The following ABCC6 variants were observed in gnomAD, a reference collection of about 807,000 sequenced individuals.
ABCC6 encodes ATP binding cassette subfamily C member 6, also known as ATP-binding cassette sub-family C member 6.
A neutral mutation model predicts 169.5 loss-of-function variants in ABCC6; 126 were observed. The observed-to-expected ratio is 0.74, with a 90% confidence interval of 0.64 to 0.86. ABCC6 has a LOEUF of 0.86. Ranked by LOEUF, ABCC6 falls within the 40% of genes least tolerant of loss-of-function variation. The pLI, the probability that ABCC6 is intolerant of heterozygous loss-of-function variation, is 0.00. For missense variants in ABCC6, 1,733 were observed against 1,927.2 expected (o/e 0.90, Z 1.89); for synonymous variants, 752 against 814.7 (o/e 0.92, Z 1.31).
intron 10 of ABCC6, among the ~76,000 whole-genome samples, chr16:16,196,690 A>G (rs760852521): frequency 2.0e-5 from 3 of 151,994 alleles, no homozygotes; most frequent in Non-Finnish European, 4.4e-5. Context: ...TACAGAGTCT[A>G]ATTTTATTTT....
At chr16:16,219,059 CA>C (rs545447445) in intron 4 of ABCC6, among the ~76,000 whole-genome samples, 630 of 10,368 alleles carry the variant, frequency 0.061, 1 homozygote, top group African/African-American at 0.15. Context: ...GCAAGCCTCT[CA>C]AAAAAAAAAA....
Position 16,163,158 on chromosome 16 carries a change from C to G in ABCC6, c.3341G>C (p.Arg1114Pro), listed in dbSNP as rs63750427. The G allele has an allele frequency of 1.4e-5, 22 of 1,613,630 alleles. No individual in the cohort carries two copies. The highest frequency in any genetic ancestry group is 1.9e-5 in the Non-Finnish European group (22 of 1,180,030). ...AGACGAGTAGCTGGCTGACTCCAAGCGTCTCAGCTGGCATGAGCTAACCAC... is the reference window on the plus strand; with the variant it reads ...AGACGAGTAGCTGGCTGACTCCAAGGGTCTCAGCTGGCATGAGCTAACCAC... ...LYVVSSCQLR[R>P]LESASYSSVC... Residue 1114 changes from arginine (R) to proline (P), a missense_variant, in exon 24 of 31, where the codon CGC (arginine) becomes CCC (proline). By Grantham distance (103) the Arg-to-Pro change is moderately radical (BLOSUM62 -2). This residue lies in a region of ABCC6 where 1,601 missense variants were observed against 1,635.5 expected (regional missense o/e 0.98). Coordinates refer to ENST00000205557, the MANE Select transcript of ABCC6 (RefSeq NM_001171.6).
chr16:16,150,522 T>G (rs1308181127), intron 30 of ABCC6, 56 bp downstream of exon 30: 26 of 1,582,356 alleles, frequency 1.6e-5, no homozygotes, highest in Non-Finnish European at 2.2e-5. Context: ...TGCCTCCGCC[T>G]CCTTCCCCCA....
chr16:16,178,458 C>T (rs539027783), intron 18 of ABCC6, among the ~76,000 whole-genome samples: 1 of 152,212 alleles, frequency 6.6e-6, no homozygotes, highest in African/African-American at 2.4e-5. Flanking sequence ...TGCCGCCTTT[C>T]TTGTAAACAG....
intron 7 of ABCC6, 50 bp from the exon 8 acceptor site, chr16:16,203,663 C>G (rs374913195): frequency 6.2e-7 from 1 of 1,607,656 alleles, no homozygotes; most frequent in Non-Finnish European, 8.5e-7. Context: ...TACTCTCAGC[C>G]GCCAGCGGCA....
chr16:16,182,940 C>G lies in ABCC6; in HGVS notation c.1944-10G>C, dbSNP rs775808219. On this transcript the variant is annotated splice_polypyrimidine_tract_variant and intron_variant, in intron 15 of 30. Transcript: ENST00000205557. ...CACCGTGAGGTTTATTCTGGACACG[C>G]AAGAGGGGAGACATGACCTTGGTTA... 6.8e-6 allele frequency: 11 copies of G among 1,613,970 alleles called. No homozygotes were observed. In the East Asian group the frequency reaches 1.3e-4, roughly 20 times the overall value.
At chr16:16,200,421 C>G (rs1230977739) in intron 9 of ABCC6, among the ~76,000 whole-genome samples, 1 of 135,478 alleles carries the variant, frequency 7.4e-6, no homozygotes, top group African/African-American at 2.8e-5. Flanking sequence ...AAGAGCGAAA[C>G]TCTGTCAGAA....
intron 8 of ABCC6, 65 bp from the exon 9 acceptor site, chr16:16,202,243 C>T (rs2048264564): frequency 6.5e-7 from 1 of 1,543,406 alleles, no homozygotes; most frequent in Non-Finnish European, 8.8e-7. Flanking sequence ...GTTGCCTTTG[C>T]CCAAACCAGT....
chr16:16,170,131 G>A (rs1375066158), intron 21 of ABCC6, among the ~76,000 whole-genome samples: 7 of 147,834 alleles, frequency 4.7e-5, no homozygotes, highest in Non-Finnish European at 8.9e-5. Flanking sequence ...TTGCTTTGTC[G>A]CCCATGTCAC....
chr16:16,187,739 A>G (rs529819086), intron 13 of ABCC6, among the ~76,000 whole-genome samples: 3 of 152,078 alleles, frequency 2.0e-5, no homozygotes, highest in African/African-American at 7.2e-5. Context: ...ACAAAAAATT[A>G]AAAAAATTAG....
In ABCC6 at chr16:16,188,984, G is replaced by A. The variant is rs61480102; in HGVS notation, c.1636-10C>T. On this transcript the variant is annotated splice_polypyrimidine_tract_variant and intron_variant, in intron 12 of 30. Transcript: ENST00000205557. ...ACACCACCAGTGCGACCTGGGGGGT[G>A]GGGGGGACACGTGGGGCAACAGTGA... 6.4e-4 allele frequency: 1,031 copies of A among 1,612,496 alleles called. 6 individuals carry two copies. The African/African-American group carries it at 0.011, about 18-fold the overall frequency.
intron 11 of ABCC6, among the ~76,000 whole-genome samples, chr16:16,192,041 G>C (rs926751913): frequency 2.0e-5 from 3 of 152,188 alleles, no homozygotes; most frequent in African/African-American, 7.2e-5. Flanking sequence ...CCCAGGGCAG[G>C]CAAAGGAGAG....
intron 29 of ABCC6, among the ~76,000 whole-genome samples, chr16:16,153,165 A>G (rs1223354645): frequency 6.6e-6 from 1 of 152,094 alleles, no homozygotes; most frequent in Non-Finnish European, 1.5e-5. Context: ...TCGGCCTCCC[A>G]TAGTGCTAGG....
In ABCC6 at chr16:16,154,935, C is replaced by A. The variant is rs79536709; in HGVS notation, c.3979G>T (p.Gly1327Trp). Residue 1327 changes from glycine (G) to tryptophan (W), a missense_variant, in exon 28 of 31, where the codon GGG (glycine) becomes TGG (tryptophan). Around this residue, in one of 5 missense-constraint regions of ABCC6, gnomAD observed 1,601 missense variants for 1,635.5 expected, o/e 0.98. Coordinates refer to ENST00000205557, the MANE Select transcript of ABCC6 (RefSeq NM_001171.6). ...EAAEGGIWID[G>W]VPIAHVGLHT... is the part of the protein sequence containing the mutation. ...AGCCCCACGTGGGCAATGGGGACCC[C>A]GTCGATCCAGATCCCACCCTCAGCT... The A allele has an allele frequency of 6.2e-7, 1 of 1,600,912 alleles. No individual in the cohort carries two copies. Among genetic ancestry groups the A allele is most frequent in the South Asian group, 1.1e-5 (1 of 88,764 alleles).
chr16:16,165,698 G>A lies in ABCC6; in HGVS notation c.3231C>T (p.Ser1077=). The change falls in exon 23 of 31, where the codon AGC becomes AGT. Residue 1077 remains serine, a synonymous_variant. Transcript: ENST00000205557. ...LMYAFGLLEV[S]LVVAVATPLA... ...GTGGGGTAGCCACTGCCACCACCAGGCTGACCTCCAGGAGTCCAAAGGCGT... is the reference window on the plus strand; with the variant it reads ...GTGGGGTAGCCACTGCCACCACCAGACTGACCTCCAGGAGTCCAAAGGCGT... 1.9e-6 allele frequency: 3 copies of A among 1,613,354 alleles called. No homozygotes were observed. The East Asian group carries it at 6.7e-5, about 36-fold the overall frequency.
intron 23 of ABCC6, among the ~76,000 whole-genome samples, chr16:16,164,825 C>T (rs1257018959): frequency 6.6e-6 from 1 of 152,192 alleles, no homozygotes; most frequent in Non-Finnish European, 1.5e-5. Context: ...CCAGGTGATA[C>T]TACTGCTGGT....
At position 16,182,551 on chromosome 16, in the gene ABCC6, T is replaced by G; in HGVS notation, c.2108A>C (p.Gln703Pro). The G allele has an allele frequency of 1.2e-6, 2 of 1,613,564 alleles. No homozygotes were observed. Among genetic ancestry groups the G allele is most frequent in the Non-Finnish European group, 8.5e-7 (1 of 1,179,540 alleles). Residue 703 changes from glutamine to proline, a missense_variant, in exon 17 of 31, where the codon CAG (glutamine) becomes CCG (proline). This residue lies in a region of ABCC6 where 1,601 missense variants were observed against 1,635.5 expected (regional missense o/e 0.98). Coordinates refer to ENST00000205557, the MANE Select transcript of ABCC6 (RefSeq NM_001171.6). ...VAYVPQEAWV[Q>P]NTSVVENVCF... Reference sequence around the variant, plus strand: ...CACATTCTCTACCACAGAGGTGTTCTGCACCCAGGCCTCCTGGGGCACGTA... The same window carrying G: ...CACATTCTCTACCACAGAGGTGTTCGGCACCCAGGCCTCCTGGGGCACGTA...
At chr16:16,195,258 A>C (rs1181178856) in intron 10 of ABCC6, among the ~76,000 whole-genome samples, 1 of 151,832 alleles carries the variant, frequency 6.6e-6, no homozygotes, top group African/African-American at 2.4e-5. Context: ...ACACAAGCAA[A>C]GTAACATGGT....
intron 7 of ABCC6, among the ~76,000 whole-genome samples, chr16:16,206,496 G>A (rs1245618384): frequency 6.6e-6 from 1 of 151,714 alleles, no homozygotes; most frequent in African/African-American, 2.4e-5. Flanking sequence ...TAGTGAAGCC[G>A]ACTGGACCAG....
Sources: gnomAD v4.1 joint callset for allele counts (sites outside exome capture counted in the v4.1 genomes callset) on GRCh38, gnomAD v4.1.1 for gene constraint, gnomAD v4.1.1 regional missense constraint, MANE v1.5 for transcripts, NCBI Gene and HGNC (gene_info 2026-07-23, HGNC 2026-07-21) for gene names.